Variants in TSPAN18 observed in about 807,000 individuals in gnomAD.
TSPAN18 encodes the protein tetraspanin 18.
In TSPAN18, 14 loss-of-function variants were observed where a neutral mutation model predicts 27.3. That is an observed-to-expected ratio of 0.51 (90% CI 0.34 to 0.80). The LOEUF (loss-of-function observed/expected upper bound fraction) is 0.80. TSPAN18 is among the 30% of genes least tolerant of loss of function. The pLI is 0.01. For missense variants in TSPAN18, 268 were observed against 323.9 expected (o/e 0.83, Z 1.32); for synonymous variants, 143 against 136.5 (o/e 1.05, Z -0.33).
chr11:44,730,273 T>C (rs1412841291), intron 1 of TSPAN18, among the ~76,000 whole-genome samples: 1 of 152,204 alleles, frequency 6.6e-6, no homozygotes, highest in Non-Finnish European at 1.5e-5. Context: ...CCCATGTTAG[T>C]CTGCAGGCTC....
In TSPAN18 at chr11:44,908,744, A is replaced by AAGAG. The variant is rs56785088; in HGVS notation, c.64-943_64-940dup. Among the ~76,000 whole-genome samples the AAGAG allele has an allele frequency of 4.5e-3, 405 of 90,544 alleles. 57 individuals carry two copies. The highest frequency in any genetic ancestry group is 0.018 in the African/African-American group (381 of 21,530). The allele number at this position is 90,544 out of a possible 152,430, so 59.4% of individuals were successfully genotyped here. ...GCAAGACTGTCTCAAAAAAGAAAGA[A>AAGAG]AGAGAGAGAGAGAGAGAGAGAAAGG... On this transcript the variant is annotated intron_variant, in intron 4 of 9. Coordinates refer to ENST00000520358, the MANE Select transcript of TSPAN18 (RefSeq NM_130783.5).
chr11:44,908,779 G>GAAAGA (rs1564992665), intron 4 of TSPAN18, among the ~76,000 whole-genome samples: 2 of 105,784 alleles, frequency 1.9e-5, no homozygotes, highest in Admixed American at 9.7e-5. Flanking sequence ...GAGAAAGAAA[G>GAAAGA]AAAGAAAGAA....
intron 3 of TSPAN18, among the ~76,000 whole-genome samples, chr11:44,881,492 C>T (rs562236387): frequency 2.0e-5 from 3 of 152,288 alleles, no homozygotes; most frequent in African/African-American, 4.8e-5. Flanking sequence ...TCCCTATTTC[C>T]GAGGGAAACA....
chr11:44,919,284 C>G lies in TSPAN18; in HGVS notation c.404C>G (p.Ser135Cys). ...YQGNNDTDVF[S>C]ATWNSVMITF... is the part of the protein sequence containing the mutation. ...GGCAATAACGACACAGACGTCTTCT[C>G]TGCCACCTGGAACTCGGTCATGATC... Residue 135 changes from serine (S) to cysteine (C), a missense_variant, in exon 7 of 10, where the codon TCT becomes TGT. By Grantham distance (112) the Ser-to-Cys change is moderately radical. Transcript: ENST00000520358. 1 of 1,614,094 alleles carries G rather than the reference C, an allele frequency of 6.2e-7. No individual in the cohort carries two copies. The highest frequency in any genetic ancestry group is 8.5e-7 in the Non-Finnish European group (1 of 1,179,996).
chr11:44,729,432 T>C (rs146601911), intron 1 of TSPAN18, among the ~76,000 whole-genome samples: 4 of 152,218 alleles, frequency 2.6e-5, no homozygotes, highest in Admixed American at 6.5e-5. Context: ...CCACTTTTCC[T>C]GAATTGGAGA....
chr11:44,851,013 C>A (rs1857587047), intron 2 of TSPAN18, among the ~76,000 whole-genome samples: 1 of 152,220 alleles, frequency 6.6e-6, no homozygotes, highest in South Asian at 2.1e-4. Flanking sequence ...GGACACACAG[C>A]AACACCATCC....
chr11:44,797,433 A>T (rs1856374895), intron 2 of TSPAN18, among the ~76,000 whole-genome samples: 1 of 152,094 alleles, frequency 6.6e-6, no homozygotes, highest in South Asian at 2.1e-4. Flanking sequence ...GGTACCCATC[A>T]TTATTATTTA....
At chr11:44,875,649 T>G (rs1858310621) in intron 3 of TSPAN18, among the ~76,000 whole-genome samples, 2 of 152,238 alleles carry the variant, frequency 1.3e-5, no homozygotes, top group African/African-American at 4.8e-5. Flanking sequence ...GGAGTCGAGC[T>G]TATTGTCCCC....
chr11:44,729,199 G>A (rs1854592731), intron 1 of TSPAN18, among the ~76,000 whole-genome samples: 1 of 152,228 alleles, frequency 6.6e-6, no homozygotes. Flanking sequence ...AGGAAAGGGT[G>A]GAGAAGCCTG....
chr11:44,867,984 T>C (rs1444830866), intron 3 of TSPAN18, among the ~76,000 whole-genome samples: 1 of 152,146 alleles, frequency 6.6e-6, no homozygotes, highest in African/African-American at 2.4e-5. Flanking sequence ...CCTGAGAAGA[T>C]GGCAGGGAGG....
chr11:44,835,760 C>T (rs922500515), intron 2 of TSPAN18, among the ~76,000 whole-genome samples: 1 of 152,202 alleles, frequency 6.6e-6, no homozygotes, highest in Non-Finnish European at 1.5e-5. Flanking sequence ...TAGAGCAAAT[C>T]TATCAGCACC....
intron 2 of TSPAN18, among the ~76,000 whole-genome samples, chr11:44,806,328 C>T (rs1216227029): frequency 3.3e-5 from 5 of 152,178 alleles, no homozygotes; most frequent in Non-Finnish European, 5.9e-5. Flanking sequence ...AGCCACCGCG[C>T]CTGGCCAATA....
intron 2 of TSPAN18, among the ~76,000 whole-genome samples, chr11:44,850,887 A>C (rs1857584648): frequency 6.6e-6 from 1 of 151,988 alleles, no homozygotes. Context: ...ACCTTTACCC[A>C]TCTGTGGGCA....
chr11:44,822,645 C>T (rs550043868), intron 2 of TSPAN18, among the ~76,000 whole-genome samples: 1 of 152,092 alleles, frequency 6.6e-6, no homozygotes, highest in South Asian at 2.1e-4. Context: ...CAGCCACAGC[C>T]CTAAAGGGAG....
intron 2 of TSPAN18, among the ~76,000 whole-genome samples, chr11:44,783,020 C>T (rs565800469): frequency 3.9e-5 from 6 of 151,934 alleles, no homozygotes; most frequent in South Asian, 4.2e-4. Flanking sequence ...GTAGAGATGG[C>T]GTTTTACCAT....
chr11:44,834,390 G>A (rs1013469870), intron 2 of TSPAN18, among the ~76,000 whole-genome samples: 2 of 152,168 alleles, frequency 1.3e-5, no homozygotes, highest in East Asian at 1.9e-4. Context: ...TAGGGAGGAA[G>A]AAACAGCCCC....
intron 2 of TSPAN18, among the ~76,000 whole-genome samples, chr11:44,853,436 G>T (rs1857652699): frequency 6.6e-6 from 1 of 152,142 alleles, no homozygotes; most frequent in South Asian, 2.1e-4. Flanking sequence ...TCCTGGAGGG[G>T]CCATTTCTGG....
chr11:44,839,450 C>T (rs963116761), intron 2 of TSPAN18, among the ~76,000 whole-genome samples: 5 of 152,166 alleles, frequency 3.3e-5, no homozygotes, highest in African/African-American at 1.2e-4. Flanking sequence ...TGGATCTCTG[C>T]ATTCATCACT....
intron 2 of TSPAN18, among the ~76,000 whole-genome samples, chr11:44,772,273 A>G (rs1855705536): frequency 6.6e-6 from 1 of 152,200 alleles, no homozygotes; most frequent in African/African-American, 2.4e-5. Flanking sequence ...AGAGCACATG[A>G]TTTTTGTATA....
Sources: allele counts gnomAD v4.1 joint callset (sites outside exome capture counted in the v4.1 genomes callset), GRCh38; gene constraint gnomAD v4.1.1; transcripts MANE v1.5; gene names NCBI Gene and HGNC (gene_info 2026-07-23, HGNC 2026-07-21).